Variants in SNTG1 observed in about 807,000 individuals in gnomAD.
SNTG1 encodes the protein syntrophin gamma 1, also known as gamma-1-syntrophin.
Under a neutral mutation model 74.7 loss-of-function variants are expected in SNTG1, and 39 were observed. The ratio of observed to expected loss-of-function variants is 0.52; its 90% confidence interval spans 0.40 to 0.68. The LOEUF is 0.68. Ranked by LOEUF, SNTG1 falls within the 30% of genes least tolerant of loss-of-function variation. SNTG1 has a pLI of 0.00. For missense variants in SNTG1, 685 were observed against 609.5 expected (o/e 1.12, Z -1.30); for synonymous variants, 254 against 217.1 (o/e 1.17, Z -1.49).
intron 1 of SNTG1, among the ~76,000 whole-genome samples, chr8:50,002,914 G>GT (rs1814879604): frequency 6.6e-6 from 1 of 152,158 alleles, no homozygotes; most frequent in South Asian, 2.1e-4. Flanking sequence ...TTATACAGCT[G>GT]TGAGAAGGGA....
intron 2 of SNTG1, among the ~76,000 whole-genome samples, chr8:50,177,144 A>C (rs2083028002): frequency 6.6e-6 from 1 of 152,200 alleles, no homozygotes; most frequent in Non-Finnish European, 1.5e-5. Flanking sequence ...AATTATTCTC[A>C]TAAATCTTGT....
chr8:49,929,018 G>A (rs924573242), intron 1 of SNTG1, among the ~76,000 whole-genome samples: 12 of 151,882 alleles, frequency 7.9e-5, no homozygotes, highest in South Asian at 2.1e-4. Flanking sequence ...AAACACAAAC[G>A]TAGTATAGGA....
intron 8 of SNTG1, chr8:50,457,931 G>A (rs749214775): frequency 5.3e-5 from 8 of 152,178 alleles, no homozygotes; most frequent in African/African-American, 1.4e-4. Context: ...ACTGGCAGCC[G>A]GTTTCACCAC....
chr8:50,551,425 A>C (rs2130588980), intron 11 of SNTG1, among the ~76,000 whole-genome samples: 1 of 152,286 alleles, frequency 6.6e-6, no homozygotes, highest in South Asian at 2.1e-4. Context: ...GACTTTTATT[A>C]GCTAAAAAAT....
At chr8:50,667,570 G>A (rs571822099) in intron 15 of SNTG1, among the ~76,000 whole-genome samples, 41 of 151,846 alleles carry the variant, frequency 2.7e-4, no homozygotes, top group African/African-American at 8.0e-4. Context: ...AACCCATCAC[G>A]GGGCCCCATC....
At chr8:50,239,158 TA>T (rs2086055111) in intron 2 of SNTG1, among the ~76,000 whole-genome samples, 1 of 152,176 alleles carries the variant, frequency 6.6e-6, no homozygotes, top group African/African-American at 2.4e-5. Context: ...CAAAGGAATG[TA>T]AATTGTTCTA....
intron 4 of SNTG1, among the ~76,000 whole-genome samples, chr8:50,419,901 G>A (rs2093060320): frequency 6.6e-6 from 1 of 151,654 alleles, no homozygotes; most frequent in Non-Finnish European, 1.5e-5. Context: ...CAATGGTTGG[G>A]CACAACAGCA....
chr8:50,258,997 A>G (rs1011558069), intron 2 of SNTG1, among the ~76,000 whole-genome samples: 2 of 152,220 alleles, frequency 1.3e-5, no homozygotes, highest in African/African-American at 4.8e-5. Context: ...AAATCTATAC[A>G]TATCACAGTA....
chr8:50,348,401 G>C (rs2091546877), intron 2 of SNTG1, among the ~76,000 whole-genome samples: 1 of 152,162 alleles, frequency 6.6e-6, no homozygotes, highest in Non-Finnish European at 1.5e-5. Context: ...CCTTTCTGGA[G>C]TTGGAGGGAA....
chr8:50,049,375 T>A (rs1819371907), intron 1 of SNTG1, among the ~76,000 whole-genome samples: 2 of 152,106 alleles, frequency 1.3e-5, no homozygotes, highest in African/African-American at 4.8e-5. Context: ...CTAAATTATA[T>A]CAAATAGGTC....
chr8:50,137,560 A>G (rs986679756), intron 1 of SNTG1, among the ~76,000 whole-genome samples: 2 of 152,226 alleles, frequency 1.3e-5, no homozygotes, highest in Non-Finnish European at 2.9e-5. Flanking sequence ...GTATGTTAGA[A>G]GGCAATAAGT....
At chr8:49,924,948 G>C (rs899164841) in intron 1 of SNTG1, among the ~76,000 whole-genome samples, 2 of 151,790 alleles carry the variant, frequency 1.3e-5, no homozygotes, top group Non-Finnish European at 2.9e-5. Context: ...CCAGGAGTTC[G>C]AGATCAGCCT....
chr8:50,509,324 C>G (rs1318653392), intron 9 of SNTG1, among the ~76,000 whole-genome samples: 1 of 151,820 alleles, frequency 6.6e-6, no homozygotes, highest in Admixed American at 6.6e-5. Context: ...GTTACTGTAG[C>G]CTTGTAGTTT....
chr8:49,948,248 T>G (rs1170193337), intron 1 of SNTG1, among the ~76,000 whole-genome samples: 1 of 152,256 alleles, frequency 6.6e-6, no homozygotes, highest in Non-Finnish European at 1.5e-5. Context: ...TTAATTATTT[T>G]AAAAATCTAA....
chr8:49,936,647 A>ACTTACTCATTCCACTTCCTGACT (rs1278458575), intron 1 of SNTG1, among the ~76,000 whole-genome samples: 2 of 152,180 alleles, frequency 1.3e-5, no homozygotes, highest in African/African-American at 4.8e-5. Context: ...TCTTCCTGCC[A>ACTTACTCATTCCACTTCCTGACT]CTTACTCATT....
intron 12 of SNTG1, among the ~76,000 whole-genome samples, chr8:50,561,717 A>G (rs1354804465): frequency 6.6e-6 from 1 of 152,208 alleles, no homozygotes; most frequent in South Asian, 2.1e-4. Flanking sequence ...AAAGTAAAAT[A>G]ATAGATTACG....
chr8:50,034,809 C>G (rs1818009993), intron 1 of SNTG1, among the ~76,000 whole-genome samples: 1 of 152,190 alleles, frequency 6.6e-6, no homozygotes, highest in Non-Finnish European at 1.5e-5. Context: ...GGGCCACATG[C>G]AGCCTGTGGG....
At position 50,796,188 on chromosome 8, in the gene SNTG1, G is replaced by A. The variant is rs1011872263; in HGVS notation, c.*3359G>A. 3 of 152,012 alleles carry A rather than the reference G, an allele frequency of 2.0e-5. No individual in the cohort carries two copies. Among genetic ancestry groups the A allele is most frequent in the African/African-American group, 7.2e-5 (3 of 41,418 alleles). 9.4% of individuals were successfully genotyped at this position (152,012 alleles called of 1,614,324 possible). Reference sequence around the variant, plus strand: ...AATTAATAATCCTAACGATAATTTAGAATTACTGCTAGAAATCAGCAGTGT... The same window carrying A: ...AATTAATAATCCTAACGATAATTTAAAATTACTGCTAGAAATCAGCAGTGT... On this transcript the variant is annotated 3_prime_UTR_variant, in exon 19 of 19. Coordinates refer to ENST00000642720, the MANE Select transcript of SNTG1 (RefSeq NM_018967.5).
intron 4 of SNTG1, among the ~76,000 whole-genome samples, chr8:50,425,714 C>A (rs73581341): frequency 0.027 from 4,088 of 152,124 alleles, 171 homozygotes; most frequent in African/African-American, 0.092. Flanking sequence ...ACATACATAC[C>A]TTACTTTGAT....
Sources: gnomAD v4.1 joint callset for allele counts (sites outside exome capture counted in the v4.1 genomes callset) on GRCh38, gnomAD v4.1.1 for gene constraint, MANE v1.5 for transcripts, NCBI Gene and HGNC (gene_info 2026-07-23, HGNC 2026-07-21) for gene names.